Variants in CNTN5 observed in about 807,000 individuals in gnomAD.
CNTN5 encodes contactin-5.
In CNTN5, 77 loss-of-function variants were observed where a neutral mutation model predicts 129.1. The ratio of observed to expected loss-of-function variants is 0.60; its 90% CI spans 0.50 to 0.72. The LOEUF is 0.72. CNTN5 is among the 30% of genes least tolerant of loss of function. The pLI is 0.00. For synonymous variants in CNTN5, 509 were observed against 465.6 expected, an observed-to-expected ratio of 1.09 and a Z score of -1.20; for missense variants, 1,478 against 1,328.8, an observed-to-expected ratio of 1.11 and a Z score of -1.75.
intron 18 of CNTN5, among the ~76,000 whole-genome samples, chr11:100,292,693 A>G (rs1951016267): frequency 6.6e-6 from 1 of 151,962 alleles, no homozygotes; most frequent in Admixed American, 6.6e-5. Flanking sequence ...TCCATCTTCT[A>G]AACTGACAAC....
chr11:99,547,171 T>G (rs144264890), intron 2 of CNTN5, among the ~76,000 whole-genome samples: 13,107 of 151,846 alleles, frequency 0.086, 1,148 homozygotes, highest in East Asian at 0.34. Flanking sequence ...ACCCGGCTAA[T>G]TTTGTATTTT....
intron 1 of CNTN5, among the ~76,000 whole-genome samples, chr11:99,198,880 T>C (rs772568033): frequency 2.0e-5 from 3 of 152,170 alleles, no homozygotes; most frequent in Non-Finnish European, 4.4e-5. Context: ...AATCTGATTG[T>C]TACCTTGAAG....
At chr11:99,639,824 A>T (rs922029649) in intron 3 of CNTN5, among the ~76,000 whole-genome samples, 1 of 152,068 alleles carries the variant, frequency 6.6e-6, no homozygotes, top group East Asian at 1.9e-4. Context: ...TCAGCCTCCC[A>T]AAGTGCTGGG....
chr11:99,317,210 T>C (rs940386325), intron 1 of CNTN5, among the ~76,000 whole-genome samples: 6 of 152,116 alleles, frequency 3.9e-5, no homozygotes, highest in Non-Finnish European at 8.8e-5. Flanking sequence ...GTAACAAAGT[T>C]GGGCTGGGAG....
chr11:100,049,041 G>A (rs1942829952), intron 9 of CNTN5, among the ~76,000 whole-genome samples: 1 of 151,924 alleles, frequency 6.6e-6, no homozygotes, highest in African/African-American at 2.4e-5. Flanking sequence ...TTTGCTGCAG[G>A]AGAAAACACC....
At chr11:99,514,363 A>G (rs533513631) in intron 2 of CNTN5, among the ~76,000 whole-genome samples, 1 of 152,214 alleles carries the variant, frequency 6.6e-6, no homozygotes, top group East Asian at 1.9e-4. Context: ...CAGTTGATAA[A>G]GCAGCATCAG....
intron 15 of CNTN5, among the ~76,000 whole-genome samples, chr11:100,214,362 G>A (rs1949098001): frequency 6.6e-6 from 1 of 152,098 alleles, no homozygotes; most frequent in African/African-American, 2.4e-5. Context: ...GTCGTGCTAG[G>A]CCTTCTTTCC....
At chr11:99,541,701 C>A (rs1415024178) in intron 2 of CNTN5, among the ~76,000 whole-genome samples, 1 of 152,160 alleles carries the variant, frequency 6.6e-6, no homozygotes, top group Non-Finnish European at 1.5e-5. Flanking sequence ...GTAATCCCAA[C>A]ACTATGGGAA....
intron 9 of CNTN5, among the ~76,000 whole-genome samples, chr11:100,015,865 C>T (rs1940794800): frequency 1.3e-5 from 2 of 151,974 alleles, no homozygotes; most frequent in Admixed American, 1.3e-4. Flanking sequence ...TTGTTAGGCA[C>T]ATACTTATAG....
At chr11:99,404,666 T>C (rs7480845) in intron 2 of CNTN5, among the ~76,000 whole-genome samples, 113,291 of 152,012 alleles carry the variant, frequency 0.75, 43,081 homozygotes, top group African/African-American at 0.9. Context: ...ACTTCATCCT[T>C]GTGCTTTTTA....
chr11:99,720,682 G>A (rs983513729), intron 3 of CNTN5, among the ~76,000 whole-genome samples: 23 of 152,014 alleles, frequency 1.5e-4, no homozygotes, highest in South Asian at 6.2e-4. Flanking sequence ...TAAAGGAATC[G>A]AAATGGGAAG....
chr11:99,571,885 T>A lies in CNTN5; in HGVS notation c.55+15616T>A, dbSNP rs1240257844. ...TTCTCTAATAACAAGCAGCTATCAT[T>A]GTAAATGACATAAAGCAAGCTATAA... is the stretch of plus-strand genomic sequence containing the variant. On this transcript the variant is annotated intron_variant, in intron 3 of 24. Coordinates refer to ENST00000524871, the MANE Select transcript of CNTN5 (RefSeq NM_014361.4). 2.0e-5 allele frequency among the ~76,000 whole-genome samples: 3 copies of A among 152,174 alleles called. No individual in the cohort carries two copies. In the East Asian group the frequency reaches 5.8e-4, roughly 29 times the overall value.
intron 2 of CNTN5, among the ~76,000 whole-genome samples, chr11:99,476,875 C>A (rs1382085885): frequency 6.6e-6 from 1 of 152,030 alleles, no homozygotes; most frequent in Non-Finnish European, 1.5e-5. Flanking sequence ...ACAATCCGAA[C>A]TTTTATTGAG....
intron 1 of CNTN5, among the ~76,000 whole-genome samples, chr11:99,025,269 T>C (rs1338196413): frequency 6.6e-6 from 1 of 151,882 alleles, no homozygotes; most frequent in Non-Finnish European, 1.5e-5. Context: ...CTAGAAAATA[T>C]GGAGCCAATT....
intron 3 of CNTN5, among the ~76,000 whole-genome samples, chr11:99,722,765 T>C (rs1943215009): frequency 6.6e-6 from 1 of 151,956 alleles, no homozygotes; most frequent in Non-Finnish European, 1.5e-5. Context: ...ACCCTGTCTT[T>C]TACTGAGCCC....
At chr11:100,228,510 ATTAT>A (rs1382106224) in intron 16 of CNTN5, among the ~76,000 whole-genome samples, 2 of 152,200 alleles carry the variant, frequency 1.3e-5, no homozygotes, top group African/African-American at 4.8e-5. Flanking sequence ...ATTTCCAATA[ATTAT>A]TTATTTCCTT....
intron 3 of CNTN5, among the ~76,000 whole-genome samples, chr11:99,560,899 CAT>C (rs985218987): frequency 3.7e-4 from 57 of 152,208 alleles, no homozygotes; most frequent in African/African-American, 1.3e-3. Context: ...GAGACACACA[CAT>C]GTGTGTGTGT....
In CNTN5 at chr11:100,036,509, T is replaced by G. The variant is rs1254536292; in HGVS notation, c.981-24703T>G. 4.1e-5 allele frequency among the ~76,000 whole-genome samples: 6 copies of G among 147,986 alleles called. No individual in the cohort carries two copies. In the East Asian group the frequency reaches 8.1e-4, roughly 20 times the overall value. Reference sequence around the variant, plus strand: ...GTTTTTTCCAATTCTGTGAAGAAAGTCATTGGTAGCTTGATGGGGATGGCA... The same window carrying G: ...GTTTTTTCCAATTCTGTGAAGAAAGGCATTGGTAGCTTGATGGGGATGGCA... On this transcript the variant is annotated intron_variant, in intron 9 of 24. Coordinates refer to ENST00000524871, the MANE Select transcript of CNTN5 (RefSeq NM_014361.4).
intron 6 of CNTN5, among the ~76,000 whole-genome samples, chr11:99,866,081 C>G (rs12276611): frequency 0.013 from 1,951 of 152,198 alleles, 51 homozygotes; most frequent in African/African-American, 0.045. Flanking sequence ...GATGAGTTTT[C>G]TAGCTTCTGA....
Sources: allele counts gnomAD v4.1 joint callset (sites outside exome capture counted in the v4.1 genomes callset), GRCh38; gene constraint gnomAD v4.1.1; transcripts MANE v1.5; gene names NCBI Gene and HGNC (gene_info 2026-07-23, HGNC 2026-07-21).